The following ADI1 variants were observed in gnomAD, a reference collection of about 807,000 sequenced individuals.
The protein encoded by ADI1 is acireductone dioxygenase.
A neutral mutation model predicts 18.7 loss-of-function variants in ADI1; 21 were observed. The observed-to-expected ratio is 1.13, with a 90% CI of 0.80 to 1.62. ADI1 has a LOEUF of 1.62. ADI1 is among the 40% of genes most tolerant of loss of function. The pLI, the probability that ADI1 is intolerant of heterozygous loss-of-function variation, is 0.00. For synonymous variants in ADI1, 90 were observed against 100.1 expected (o/e 0.90, Z 0.60); for missense variants, 245 against 254.9 (o/e 0.96, Z 0.26).
At chr2:3,503,665 A>T (rs1017039180) in intron 2 of ADI1, among the ~76,000 whole-genome samples, 1 of 152,230 alleles carries the variant, frequency 6.6e-6, no homozygotes, top group African/African-American at 2.4e-5. Context: ...AAGTGCCAGG[A>T]AGAGCAGCTG....
At chr2:3,505,497 G>C (rs374433234) in intron 2 of ADI1, among the ~76,000 whole-genome samples, 39 of 152,202 alleles carry the variant, frequency 2.6e-4, no homozygotes, top group East Asian at 9.6e-4. Context: ...TCCCAACAGT[G>C]AGTATCAGGG....
At chr2:3,499,514 G>T (rs1324176479) in intron 3 of ADI1, among the ~76,000 whole-genome samples, 1 of 152,144 alleles carries the variant, frequency 6.6e-6, no homozygotes, top group African/African-American at 2.4e-5. Context: ...GACTAAAAAC[G>T]CACGTGCCTT....
At chr2:3,502,440 G>A (rs958447167) in intron 2 of ADI1, among the ~76,000 whole-genome samples, 3 of 143,064 alleles carry the variant, frequency 2.1e-5, no homozygotes, top group Non-Finnish European at 3.0e-5. Context: ...AAAGACAAAC[G>A]GAAATAGCTC....
At chr2:3,518,739 A>G (rs558070104) in intron 1 of ADI1, among the ~76,000 whole-genome samples, 18 of 152,290 alleles carry the variant, frequency 1.2e-4, no homozygotes, top group African/African-American at 4.1e-4. Flanking sequence ...TTCCTCCGAT[A>G]GAAGAAACCC....
At chr2:3,514,733 T>C (rs1667361789) in intron 1 of ADI1, 2 of 1,516,408 alleles carry the variant, frequency 1.3e-6, no homozygotes, top group East Asian at 5.0e-5. Flanking sequence ...TGAACTCTTA[T>C]TTAAAACTAC....
chr2:3,511,687 T>C (rs139679512), intron 2 of ADI1, among the ~76,000 whole-genome samples: 5 of 152,268 alleles, frequency 3.3e-5, no homozygotes, highest in South Asian at 2.1e-4. Context: ...AGCTTTGGAA[T>C]TGAGTAACAC....
chr2:3,498,644 C>T lies in ADI1; in HGVS notation c.*319G>A, dbSNP rs191965184. The T allele has an allele frequency of 4.1e-5, 10 of 244,970 alleles. No individual in the cohort carries two copies. Among genetic ancestry groups the T allele is most frequent in the East Asian group, 4.0e-4 (5 of 12,526 alleles). 15.2% of individuals were successfully genotyped at this position (244,970 alleles called of 1,614,324 possible). A position where few individuals can be genotyped will look rare whatever the true frequency, so the allele number is the denominator to read the frequency against. On this transcript the variant is annotated 3_prime_UTR_variant, in exon 4 of 4. Transcript: ENST00000327435. ...TTCTTACACGGCAGGCGCGGCATCACGTCCAGATGGGCATCTAAGGAACTG... is the reference window on the plus strand; with the variant it reads ...TTCTTACACGGCAGGCGCGGCATCATGTCCAGATGGGCATCTAAGGAACTG...
At chr2:3,519,108 A>G (rs1572242070) in intron 1 of ADI1, among the ~76,000 whole-genome samples, 1 of 138,570 alleles carries the variant, frequency 7.2e-6, no homozygotes, top group Non-Finnish European at 1.5e-5. Context: ...CTGACCGCCG[A>G]CCCCTCAACG....
chr2:3,510,759 C>T (rs992861854), intron 2 of ADI1, among the ~76,000 whole-genome samples: 2 of 152,020 alleles, frequency 1.3e-5, no homozygotes. Flanking sequence ...ACCTGAATAG[C>T]CCTACATCTA....
chr2:3,513,983 G>A lies in ADI1; in HGVS notation c.121-7C>T, dbSNP rs1020134305. 3 of 1,587,296 alleles carry A rather than the reference G, an allele frequency of 1.9e-6. No homozygotes were observed. The highest frequency in any genetic ancestry group is 2.7e-5 in the African/African-American group (2 of 73,156). ...CATATTTGTCAGCATCCAGCTAAAA[G>A]AGTTAACCCACCAAAAACAAGAGCT... On this transcript the variant is annotated splice_region_variant and splice_polypyrimidine_tract_variant and intron_variant, in intron 1 of 3. Coordinates refer to ENST00000327435, the MANE Select transcript of ADI1 (RefSeq NM_018269.4).
chr2:3,498,885 G>A lies in ADI1; in HGVS notation c.*78C>T, dbSNP rs1666924056. The A allele has an allele frequency of 2.0e-6, 3 of 1,520,958 alleles. No individual in the cohort carries two copies. Among genetic ancestry groups the A allele is most frequent in the Admixed American group, 2.0e-5 (1 of 50,034 alleles). The allele number at this position is 1,520,958 out of a possible 1,614,324, so 94.2% of individuals were successfully genotyped here. On this transcript the variant is annotated 3_prime_UTR_variant, in exon 4 of 4. Transcript: ENST00000327435. Reference sequence around the variant, plus strand: ...CTCAAGGCTATCCTCTAAAAGCAAAGAGAAAGTGATTGATTTTCTGCTCAG... The same window carrying A: ...CTCAAGGCTATCCTCTAAAAGCAAAAAGAAAGTGATTGATTTTCTGCTCAG...
intron 2 of ADI1, among the ~76,000 whole-genome samples, chr2:3,502,783 G>C (rs921086324): frequency 6.6e-6 from 1 of 152,068 alleles, no homozygotes; most frequent in Non-Finnish European, 1.5e-5. Context: ...ATATTATTTT[G>C]ACTACATCCT....
chr2:3,500,474 G>GCC, intron 3 of ADI1: 5 of 449,866 alleles, frequency 1.1e-5, no homozygotes, highest in South Asian at 5.7e-5. Context: ...CCCTAGAGAT[G>GCC]CCTCACCGCC....
At chr2:3,516,206 G>A (rs757002748) in intron 1 of ADI1, 223 of 316,328 alleles carry the variant, frequency 7.0e-4, no homozygotes, top group Non-Finnish European at 9.5e-4. Context: ...ATGGAGCTGG[G>A]CACTGTGGCT....
rs1666932986 is a variant in ADI1 at position 3,499,070 on chromosome 2, C to T, written c.433G>A (p.Ala145Thr). 6.2e-7 allele frequency: 1 copy of T among 1,613,692 alleles called. No individual in the cohort carries two copies. The highest frequency in any genetic ancestry group is 8.5e-7 in the Non-Finnish European group (1 of 1,179,610). ...FTVDEKNYTKAMRLFVGEPVW... is the reference protein window; with the variant it reads ...FTVDEKNYTKTMRLFVGEPVW... ...GGTTCTCCCACAAACAGCCGCATGG[C>T]CTTCGTGTAGTTCTGGAAAACAGAC... Residue 145 changes from alanine (A) to threonine (T), a missense_variant, in exon 4 of 4, where the codon GCC becomes ACC. Ala to Thr is a moderately conservative substitution (Grantham distance 58). Transcript: ENST00000327435.
chr2:3,513,960 T>C lies in ADI1; in HGVS notation c.137A>G (p.Tyr46Cys), dbSNP rs1667345192. ...VLYWKLDADK[Y>C]ENDPELEKIR... ...CTTTTCTAATTCTGGATCATTCTCA[T>C]ATTTGTCAGCATCCAGCTAAAAGAG... The change falls in exon 2 of 4, where the codon TAT becomes TGT. Residue 46 changes from tyrosine to cysteine, a missense_variant. Coordinates refer to ENST00000327435, the MANE Select transcript of ADI1 (RefSeq NM_018269.4). The C allele has an allele frequency of 1.9e-6, 3 of 1,607,996 alleles. No individual in the cohort carries two copies. Among genetic ancestry groups the C allele is most frequent in the Non-Finnish European group, 2.5e-6 (3 of 1,178,704 alleles).
At chr2:3,500,210 T>A (rs1057271443) in intron 3 of ADI1, among the ~76,000 whole-genome samples, 1 of 152,098 alleles carries the variant, frequency 6.6e-6, no homozygotes, top group African/African-American at 2.4e-5. Flanking sequence ...AGGGAGACCT[T>A]TCACCAGGTC....
At chr2:3,505,089 G>C (rs539456798) in intron 2 of ADI1, among the ~76,000 whole-genome samples, 3 of 152,040 alleles carry the variant, frequency 2.0e-5, no homozygotes, top group African/African-American at 7.2e-5. Context: ...CTGCATTGTT[G>C]GTTCACCTGT....
rs1667232157 is a variant in ADI1, at chr2:3,508,782, T to C, written c.240+5075A>G. Among the ~76,000 whole-genome samples, 3 of 152,052 alleles carry C rather than the reference T, an allele frequency of 2.0e-5. No homozygotes were observed. In the South Asian group the frequency reaches 6.2e-4, roughly 32 times the overall value. ...AGCCAGTTGTGGTGGTGTGCACCTGTAGTCCCAGCTACCTGGGAGGCTGAG... is the reference window on the plus strand; with the variant it reads ...AGCCAGTTGTGGTGGTGTGCACCTGCAGTCCCAGCTACCTGGGAGGCTGAG... On this transcript the variant is annotated intron_variant, in intron 2 of 3. Coordinates refer to ENST00000327435, the MANE Select transcript of ADI1 (RefSeq NM_018269.4).
Sources: allele counts gnomAD v4.1 joint callset (sites outside exome capture counted in the v4.1 genomes callset), GRCh38; gene constraint gnomAD v4.1.1; transcripts MANE v1.5; gene names NCBI Gene and HGNC (gene_info 2026-07-23, HGNC 2026-07-21).